The following SYNE2 variants were observed in gnomAD, a reference collection of about 807,000 sequenced individuals.
The protein encoded by SYNE2 is spectrin repeat containing nuclear envelope protein 2.
Under a neutral mutation model 856.3 loss-of-function variants are expected in SYNE2, and 431 were observed. That is an observed-to-expected ratio of 0.50 (90% CI 0.47 to 0.55). The LOEUF (loss-of-function observed/expected upper bound fraction) is 0.55, where lower values mean the gene tolerates loss of function less well. Ranked by LOEUF, SYNE2 falls within the 20% of genes least tolerant of loss-of-function variation. The probability of loss-of-function intolerance (pLI) is 0.00; values close to 1 mark genes in which losing one functional copy is unlikely to be tolerated. For synonymous variants in SYNE2, 2,923 were observed against 2,872.3 expected, an observed-to-expected ratio of 1.02 and a Z score of -0.56; for missense variants, 8,129 against 8,023.2, an observed-to-expected ratio of 1.01 and a Z score of -0.50.
In SYNE2 at chr14:64,091,031, C is replaced by G; in HGVS notation, c.11959C>G (p.Gln3987Glu). ...ACTATTGGAAAATGTGACTCAAGAA[C>G]AAAATGAGTTATTAAAGGTAAGCAG... Reference protein sequence around the residue: ...IKLLENVTQEQNELLKVVIKQ... With the variant: ...IKLLENVTQEENELLKVVIKQ... Residue 3987 changes from glutamine (Q) to glutamate (E), a missense_variant, in exon 60 of 116, where the codon CAA (glutamine) becomes GAA (glutamate). By Grantham distance (29) the Gln-to-Glu change is conservative. This residue lies in a region of SYNE2 where 5,410 missense variants were observed against 5,284.8 expected (regional missense o/e 1.02). Coordinates refer to ENST00000555002, the MANE Select transcript of SYNE2 (RefSeq NM_182914.3). 1 of 1,613,940 alleles carries G rather than the reference C, an allele frequency of 6.2e-7. No homozygotes were observed. Among genetic ancestry groups the G allele is most frequent in the East Asian group, 2.2e-5 (1 of 44,874 alleles).
Position 63,943,636 on chromosome 14 carries a change from T to C in SYNE2, c.408+1493T>C, listed in dbSNP as rs1416938341. Among the ~76,000 whole-genome samples the C allele has an allele frequency of 2.0e-5, 3 of 150,860 alleles. No homozygotes were observed. The East Asian group carries it at 5.9e-4, about 30-fold the overall frequency. ...GAGAGAAAGAGGCTTAAATTGTATCTGTGTTTTATTTATTTTTATTTTTTT... is the reference window on the plus strand; with the variant it reads ...GAGAGAAAGAGGCTTAAATTGTATCCGTGTTTTATTTATTTTTATTTTTTT... On this transcript the variant is annotated intron_variant, in intron 6 of 115. Coordinates refer to ENST00000555002, the MANE Select transcript of SYNE2 (RefSeq NM_182914.3).
intron 1 of SYNE2, among the ~76,000 whole-genome samples, chr14:63,764,286 A>G (rs1886592523): frequency 6.6e-6 from 1 of 152,224 alleles, no homozygotes; most frequent in Admixed American, 6.5e-5. Context: ...AAGTCCAGTC[A>G]GAAACATAGA....
intron 32 of SYNE2, among the ~76,000 whole-genome samples, chr14:64,016,235 A>G (rs970453748): frequency 6.6e-6 from 1 of 152,100 alleles, no homozygotes; most frequent in African/African-American, 2.4e-5. Context: ...AAATTTCATC[A>G]TGCAGAGTGG....
At chr14:63,802,256 G>GC (rs1888164162) in intron 1 of SYNE2, among the ~76,000 whole-genome samples, 1 of 150,500 alleles carries the variant, frequency 6.6e-6, no homozygotes, top group African/African-American at 2.4e-5. Context: ...ACAGGCATGT[G>GC]CCACCACACC....
intron 1 of SYNE2, among the ~76,000 whole-genome samples, chr14:63,827,651 A>AAAAAAG (rs1566593028): frequency 9.2e-5 from 13 of 141,778 alleles, no homozygotes; most frequent in East Asian, 2.0e-4. Flanking sequence ...AAAAAAAAAA[A>AAAAAAG]AAAAAGAAAG....
chr14:64,134,188 T>A lies in SYNE2; in HGVS notation c.14634T>A (p.Ile4878=), dbSNP rs779163537. The change falls in exon 78 of 116, where the codon ATT becomes ATA. Residue 4878 remains isoleucine, a synonymous_variant. Coordinates refer to ENST00000555002, the MANE Select transcript of SYNE2 (RefSeq NM_182914.3). ...CAGAGGAAAGATTAGTGGAAAGGATTTCATTTTACCAGGTATTTGTCTTCC... is the reference window on the plus strand; with the variant it reads ...CAGAGGAAAGATTAGTGGAAAGGATATCATTTTACCAGGTATTTGTCTTCC... ...EETEERLVER[I]SFYQQIKRNI... is the part of the protein sequence containing the mutation. 2.0e-5 allele frequency: 32 copies of A among 1,614,130 alleles called. No individual in the cohort carries two copies. The Admixed American group carries it at 5.3e-4, about 27-fold the overall frequency.
chr14:63,788,526 G>A (rs1401718706), intron 1 of SYNE2, among the ~76,000 whole-genome samples: 2 of 152,120 alleles, frequency 1.3e-5, no homozygotes, highest in East Asian at 3.9e-4. Context: ...AACTTGGGTG[G>A]CTACAGCCTG....
intron 16 of SYNE2, 28 bp from the exon 17 acceptor site, chr14:63,982,602 G>A: frequency 5.6e-6 from 9 of 1,604,226 alleles, no homozygotes; most frequent in Non-Finnish European, 7.7e-6. Flanking sequence ...GTGTCATTAA[G>A]ATAGTGTGTT....
intron 87 of SYNE2, among the ~76,000 whole-genome samples, chr14:64,160,355 A>G (rs1483747730): frequency 2.0e-5 from 3 of 152,380 alleles, no homozygotes; most frequent in East Asian, 1.9e-4. Flanking sequence ...AAAAACATGC[A>G]TAACAAAAAG....
intron 1 of SYNE2, among the ~76,000 whole-genome samples, chr14:63,882,576 T>A (rs2140691798): frequency 6.6e-6 from 1 of 150,392 alleles, no homozygotes; most frequent in East Asian, 2.0e-4. Flanking sequence ...AAAAAAAAAA[T>A]TAGCTGGGTG....
intron 1 of SYNE2, among the ~76,000 whole-genome samples, chr14:63,904,957 T>C (rs1210487982): frequency 1.3e-5 from 2 of 152,186 alleles, no homozygotes; most frequent in Non-Finnish European, 2.9e-5. Context: ...TTTAAATCTT[T>C]TATCTATGTT....
At chr14:63,925,790 C>T (rs1371218362) in intron 2 of SYNE2, among the ~76,000 whole-genome samples, 2 of 152,182 alleles carry the variant, frequency 1.3e-5, no homozygotes, top group African/African-American at 2.4e-5. Context: ...TAGGTTATTT[C>T]ACTTAACGTA....
At chr14:64,073,097 C>T (rs763290241) in intron 52 of SYNE2, among the ~76,000 whole-genome samples, 36 of 152,074 alleles carry the variant, frequency 2.4e-4, no homozygotes, top group Non-Finnish European at 1.5e-4. Context: ...TTTATGGAGA[C>T]TTCATTATGT....
intron 45 of SYNE2, among the ~76,000 whole-genome samples, chr14:64,037,868 C>CG (rs1567121198): frequency 6.7e-6 from 1 of 150,282 alleles, no homozygotes; most frequent in Non-Finnish European, 1.5e-5. Flanking sequence ...CCCTCCCGGA[C>CG]GGGGCGGCTG....
chr14:64,137,017 C>T (rs572179740), intron 78 of SYNE2, among the ~76,000 whole-genome samples: 1 of 152,298 alleles, frequency 6.6e-6, no homozygotes, highest in East Asian at 1.9e-4. Flanking sequence ...ATTGCTAGGT[C>T]TTCCAGTTTT....
chr14:63,862,841 A>T (rs1269716494), intron 1 of SYNE2, among the ~76,000 whole-genome samples: 2 of 151,424 alleles, frequency 1.3e-5, no homozygotes, highest in Non-Finnish European at 2.9e-5. Flanking sequence ...CTCTGTTGCC[A>T]GGCTGGAGTG....
At chr14:64,104,203 A>T (rs929403775) in intron 64 of SYNE2, among the ~76,000 whole-genome samples, 2 of 152,128 alleles carry the variant, frequency 1.3e-5, no homozygotes, top group Non-Finnish European at 2.9e-5. Flanking sequence ...TTAAACTGCC[A>T]TTGACTTCTG....
chr14:63,973,186 G>A (rs929034714), intron 11 of SYNE2, among the ~76,000 whole-genome samples: 2 of 152,148 alleles, frequency 1.3e-5, no homozygotes, highest in African/African-American at 2.4e-5. Flanking sequence ...CCTGGTAGGC[G>A]GAGGTTTCAG....
intron 45 of SYNE2, among the ~76,000 whole-genome samples, chr14:64,045,392 G>T (rs945697148): frequency 6.6e-6 from 1 of 151,038 alleles, no homozygotes; most frequent in African/African-American, 2.4e-5. Context: ...GTGTTCCTCA[G>T]GTCCAGTGTC....
Sources: allele counts gnomAD v4.1 joint callset (sites outside exome capture counted in the v4.1 genomes callset), GRCh38; gene constraint gnomAD v4.1.1; regional missense constraint gnomAD v4.1.1; transcripts MANE v1.5; gene names NCBI Gene and HGNC (gene_info 2026-07-23, HGNC 2026-07-21).